Variants in HECTD3 observed in about 807,000 individuals in gnomAD.
The protein encoded by HECTD3 is E3 ubiquitin-protein ligase HECTD3.
Under a neutral mutation model 109.3 loss-of-function variants are expected in HECTD3, and 72 were observed. The observed-to-expected ratio is 0.66, with a 90% confidence interval of 0.54 to 0.80. The LOEUF is 0.80. Among genes scored for constraint, HECTD3 ranks in the 30% least tolerant of loss-of-function variants. The probability of loss-of-function intolerance (pLI) is 0.00; values close to 1 mark genes in which losing one functional copy is unlikely to be tolerated. For missense variants in HECTD3, 1,041 were observed against 1,165.2 expected, an observed-to-expected ratio of 0.89 and a Z score of 1.55; for synonymous variants, 481 against 471.8, an observed-to-expected ratio of 1.02 and a Z score of -0.25.
intron 18 of HECTD3, 46 bp downstream of exon 18, chr1:45,004,014 G>A: frequency 6.2e-7 from 1 of 1,612,670 alleles, no homozygotes; most frequent in East Asian, 2.2e-5. Context: ...CTGCAACTCA[G>A]CAGCAGAGTC....
chr1:45,010,599 G>A lies in HECTD3; in HGVS notation c.477C>T (p.Asn159=), dbSNP rs1395167371. 6.2e-7 allele frequency: 1 copy of A among 1,613,398 alleles called. No individual in the cohort carries two copies. The highest frequency in any genetic ancestry group is 8.5e-7 in the Non-Finnish European group (1 of 1,179,968). The change falls in exon 2 of 21, where the codon AAC becomes AAT. Residue 159 remains asparagine, a synonymous_variant. Transcript: ENST00000372172. The part of the protein sequence containing the change: ...GARLVPIDTP[N]HLQRQQQLFG... ...AGAGCTGCTGCTGCCGCTGGAGGTG[G>A]TTGGGAGTGTCGATGGGTACCAGGC...
intron 15 of HECTD3, 194 bp downstream of exon 15, chr1:45,005,600 G>A: frequency 2.0e-6 from 1 of 499,522 alleles, no homozygotes. Flanking sequence ...TATGGCCCCA[G>A]GCTTAGGAGA....
In HECTD3 at chr1:45,006,076, T is replaced by C. The variant is rs766819824; in HGVS notation, c.1766A>G (p.Asn589Ser). The change falls in exon 14 of 21, where the codon AAC becomes AGC. Residue 589 changes from asparagine (N) to serine (S), a missense_variant. Transcript: ENST00000372172. This position sits in a 1 kb window ranked among gnomAD's most constrained non-coding sequence, Gnocchi z 4.7. Reference sequence around the variant, plus strand: ...CTTGGCAAAGTCTCGGCAGGAGGGGTTGGGTACATACATGTCCCGAGCCTC... The same window carrying C: ...CTTGGCAAAGTCTCGGCAGGAGGGGCTGGGTACATACATGTCCCGAGCCTC... Reference protein sequence around the residue: ...TGEARDMYVPNPSCRDFAKYE... With the variant: ...TGEARDMYVPSPSCRDFAKYE... 1 of 1,614,064 alleles carries C rather than the reference T, an allele frequency of 6.2e-7. No individual in the cohort carries two copies.
At position 45,003,799 on chromosome 1, in the gene HECTD3, G is replaced by T. The variant is rs1267760829; in HGVS notation, c.2429+56C>A. 9 of 1,611,674 alleles carry T rather than the reference G, an allele frequency of 5.6e-6. 1 individual carries two copies. In the South Asian group the frequency reaches 6.6e-5, roughly 12 times the overall value. ...TGTGTTGGGGCACATGTACGTGTGT[G>T]GGGAGGGAGGACAGAAGGCGGCCAT... On this transcript the variant is annotated intron_variant, in intron 19 of 20. Transcript: ENST00000372172. This position sits in a 1 kb window ranked among gnomAD's most constrained non-coding sequence, Gnocchi z 4.7.
chr1:45,005,953 A>G, intron 14 of HECTD3, 44 bp downstream of exon 14: 1 of 1,605,738 alleles, frequency 6.2e-7, no homozygotes, highest in Non-Finnish European at 8.5e-7. Flanking sequence ...TTTCCTTCCA[A>G]GGGCCAGGGC....
chr1:45,003,958 T>C lies in HECTD3; in HGVS notation c.2348-22A>G, dbSNP rs752068590. ...TCCTCTGGAGGGAGAAGGAAATCAG[T>C]GCCTGCATGGATGGTGAGGGAGGGT... On this transcript the variant is annotated intron_variant, in intron 18 of 20. Coordinates refer to ENST00000372172, the MANE Select transcript of HECTD3 (RefSeq NM_024602.6). This position sits in a 1 kb window ranked among gnomAD's most constrained non-coding sequence, Gnocchi z 4.7. 2.2e-5 allele frequency: 35 copies of C among 1,613,098 alleles called. No individual in the cohort carries two copies. In the Admixed American group the frequency reaches 5.3e-4, roughly 25 times the overall value.
rs1460525739 is a variant in HECTD3, at chr1:45,010,735, C to T, written c.370-29G>A. 5 of 1,525,650 alleles carry T rather than the reference C, an allele frequency of 3.3e-6. No homozygotes were observed. The South Asian group carries it at 3.7e-5, about 11-fold the overall frequency. The allele number at this position is 1,525,650 out of a possible 1,614,324, so 94.5% of individuals were successfully genotyped here. On this transcript the variant is annotated intron_variant, in intron 1 of 20. Coordinates refer to ENST00000372172, the MANE Select transcript of HECTD3 (RefSeq NM_024602.6). ...CCGGGACGCGTAGGATGGGGACAGC[C>T]GTCAGGGAACTGCCCAGCCGCCTGT...
chr1:45,010,672 A>G lies in HECTD3; in HGVS notation c.404T>C (p.Leu135Pro). 1 of 1,581,538 alleles carries G rather than the reference A, an allele frequency of 6.3e-7. No homozygotes were observed. Reference sequence around the variant, plus strand: ...GCACACCAGCAGCCAGCCTTCCTGCAGCCCGCAGTCGCCCAGGTGCTCTGC... The same window carrying G: ...GCACACCAGCAGCCAGCCTTCCTGCGGCCCGCAGTCGCCCAGGTGCTCTGC... Reference protein sequence around the residue: ...QLAEHLGDCGLQEGWLLVCRP... With the variant: ...QLAEHLGDCGPQEGWLLVCRP... The change falls in exon 2 of 21, where the codon CTG becomes CCG. Residue 135 changes from leucine (L) to proline (P), a missense_variant. Transcript: ENST00000372172.
rs1234298637 is a variant in HECTD3 at position 45,004,600 on chromosome 1, C to A, written c.2142G>T (p.Gln714His). The A allele has an allele frequency of 6.2e-7, 1 of 1,613,914 alleles. No homozygotes were observed. The highest frequency in any genetic ancestry group is 1.3e-5 in the African/African-American group (1 of 74,912). The stretch of plus-strand genomic sequence containing the variant: ...TGCTCTACTAGCCTCTGGGTACTAC[C>A]TGCTCCTTGCTCTCCTCTAGCCGTG... ...QKARLEESKE[Q>H]VAAMQAGLLK... is the part of the protein sequence containing the mutation. Residue 714 changes from glutamine to histidine, a missense_variant and splice_region_variant, in exon 16 of 21, where the codon CAG becomes CAT. Gln to His is a conservative substitution (Grantham distance 24). Around this residue, in one of 2 missense-constraint regions of HECTD3, gnomAD observed 569 missense variants for 715.3 expected, o/e 0.80. Transcript: ENST00000372172.
At position 45,011,200 on chromosome 1, in the gene HECTD3, C is replaced by T. The variant is rs903810610; in HGVS notation, c.58G>A (p.Val20Met). ...CGCGCTGCCTCTGCCAAGAAGCGCA[C>T]GCGGCCCAGCAGCTGCCGGGGGGAC... ...LESPRQLLGR[V>M]RFLAEAARSL... Residue 20 changes from valine (V) to methionine (M), a missense_variant, in exon 1 of 21, where the codon GTG (valine) becomes ATG (methionine). Physicochemically the swap from Val to Met is conservative, Grantham distance 21. Transcript: ENST00000372172. The T allele has an allele frequency of 2.1e-6, 3 of 1,457,392 alleles. No individual in the cohort carries two copies. Among genetic ancestry groups the T allele is most frequent in the South Asian group, 1.3e-5 (1 of 74,412 alleles). The allele number at this position is 1,457,392 out of a possible 1,614,324, so 90.3% of individuals were successfully genotyped here. A position where few individuals can be genotyped will look rare whatever the true frequency, so the allele number is the denominator to read the frequency against.
At chr1:45,009,953 C>A in intron 4 of HECTD3, 33 bp downstream of exon 4, 1 of 1,517,666 alleles carries the variant, frequency 6.6e-7, no homozygotes, top group Non-Finnish European at 8.8e-7. Flanking sequence ...GTGACTATAT[C>A]TTGCCTGGGG....
At position 45,011,090 on chromosome 1, in the gene HECTD3, CG is replaced by C; in HGVS notation, c.167del (p.Ala56GlyfsTer64). 1 of 1,495,408 alleles carries C rather than the reference CG, an allele frequency of 6.7e-7. No individual in the cohort carries two copies. The allele number at this position is 1,495,408 out of a possible 1,614,324, so 92.6% of individuals were successfully genotyped here. A position where few individuals can be genotyped will look rare whatever the true frequency, so the allele number is the denominator to read the frequency against. ...EVLYKLYKDP[A>X]GPSRVLLPVW... is the part of the protein sequence containing the mutation. ...CCGGCAGAAGCACGCGCGACGGTCC[CG>C]CTGGGTCCTTGTAAAGCTTGTAGAG... On this transcript the variant is annotated frameshift_variant, in exon 1 of 21. Coordinates refer to ENST00000372172, the MANE Select transcript of HECTD3 (RefSeq NM_024602.6). LOFTEE classifies it high-confidence loss of function.
intron 3 of HECTD3, 23 bp downstream of exon 3, chr1:45,010,178 C>T: frequency 6.2e-7 from 1 of 1,613,976 alleles, no homozygotes; most frequent in African/African-American, 1.3e-5. Flanking sequence ...TCCTTCCTCC[C>T]CACCCCATTC....
At position 45,007,472 on chromosome 1, in the gene HECTD3, T is replaced by A. The variant is rs367668335; in HGVS notation, c.1444A>T (p.Met482Leu). 1 of 1,613,986 alleles carries A rather than the reference T, an allele frequency of 6.2e-7. No individual in the cohort carries two copies. The highest frequency in any genetic ancestry group is 8.5e-7 in the Non-Finnish European group (1 of 1,180,036). Reference protein sequence around the residue: ...PRLYINRRLAMEHRACPSRDP... With the variant: ...PRLYINRRLALEHRACPSRDP... Reference sequence around the variant, plus strand: ...CGAGAGGGGCAGGCACGGTGTTCCATGGCAAGACGGCGGTTGATGTATAGG... The same window carrying A: ...CGAGAGGGGCAGGCACGGTGTTCCAAGGCAAGACGGCGGTTGATGTATAGG... The change falls in exon 10 of 21, where the codon ATG (methionine) becomes TTG (leucine). Residue 482 changes from methionine to leucine, a missense_variant. Transcript: ENST00000372172.
chr1:45,003,537 G>A lies in HECTD3; in HGVS notation c.2541C>T (p.Tyr847=). 6.2e-7 allele frequency: 1 copy of A among 1,614,232 alleles called. No homozygotes were observed. Among genetic ancestry groups the A allele is most frequent in the Non-Finnish European group, 8.5e-7 (1 of 1,180,026 alleles). ...TGTCAGTGTCGATGGCCACGCAGTT[G>A]TAGGCCGCATAGCGGAGCTTCTCCT... The part of the protein sequence containing the change: ...VCEEKLRYAA[Y]NCVAIDTDMS... Residue 847 remains tyrosine (Y), a synonymous_variant, in exon 21 of 21, where the codon TAC becomes TAT. Transcript: ENST00000372172. The surrounding 1 kb of genome is among the most constrained non-coding windows in gnomAD (Gnocchi z 4.7).
In HECTD3 at chr1:45,010,136, G is replaced by C; in HGVS notation, c.624-15C>G. On this transcript the variant is annotated splice_polypyrimidine_tract_variant and intron_variant, in intron 3 of 20. Transcript: ENST00000372172. ...GGGGTACATAGCTAAGCAACCCCAA[G>C]CCCCTAATTAGACTGGGCCCAGACG... 1 of 1,613,062 alleles carries C rather than the reference G, an allele frequency of 6.2e-7. No individual in the cohort carries two copies. The highest frequency in any genetic ancestry group is 8.5e-7 in the Non-Finnish European group (1 of 1,179,190).
At chr1:45,004,452 G>A in intron 16 of HECTD3, 75 bp from the exon 17 acceptor site, 3 of 1,608,268 alleles carry the variant, frequency 1.9e-6, no homozygotes, top group South Asian at 2.2e-5. Context: ...CATCACTGTG[G>A]CCTTTTAGCA....
intron 15 of HECTD3, chr1:45,005,038 A>C: frequency 1.7e-6 from 1 of 588,754 alleles, no homozygotes; most frequent in Non-Finnish European, 3.0e-6. Context: ...CTGAGACCCA[A>C]ATGATGGCTG....
At position 45,010,401 on chromosome 1, in the gene HECTD3, G is replaced by A. The variant is rs187788806; in HGVS notation, c.531-108C>T. The A allele has an allele frequency of 7.2e-4, 1,048 of 1,447,322 alleles. 14 individuals are homozygous for A. In the African/African-American group the frequency reaches 0.013, roughly 17 times the overall value. 89.7% of individuals were successfully genotyped at this position (1,447,322 alleles called of 1,614,324 possible). A position where few individuals can be genotyped will look rare whatever the true frequency, so the allele number is the denominator to read the frequency against. On this transcript the variant is annotated intron_variant, in intron 2 of 20. Transcript: ENST00000372172. ...GGGCTCTATCTCCCAGTCTCCCTCCGAGCCCCCTTCACGTCCCGCCCCTTT... is the reference window on the plus strand; with the variant it reads ...GGGCTCTATCTCCCAGTCTCCCTCCAAGCCCCCTTCACGTCCCGCCCCTTT...
Sources: allele counts gnomAD v4.1 joint callset, GRCh38; gene constraint gnomAD v4.1.1; regional missense constraint gnomAD v4.1.1; non-coding constraint Gnocchi (gnomAD v3.1); transcripts MANE v1.5; gene names NCBI Gene and HGNC (gene_info 2026-07-23, HGNC 2026-07-21).